The following TDP1 variants were observed in gnomAD, a reference collection of about 807,000 sequenced individuals.
TDP1 encodes the protein tyrosyl-DNA phosphodiesterase 1, also known as tyr-DNA phosphodiesterase 1.
In TDP1, 64 loss-of-function variants were observed where a neutral mutation model predicts 81.5. The ratio of observed to expected loss-of-function variants is 0.79; its 90% CI spans 0.64 to 0.97. The LOEUF is 0.97. Ranked by LOEUF, TDP1 falls within the 50% of genes least tolerant of loss-of-function variation. The pLI, the probability that TDP1 is intolerant of heterozygous loss-of-function variation, is 0.00. For synonymous variants in TDP1, 256 were observed against 264.3 expected, an observed-to-expected ratio of 0.97 and a Z score of 0.30; for missense variants, 723 against 743.8, an observed-to-expected ratio of 0.97 and a Z score of 0.33.
chr14:90,042,212 G>T (rs985558412), intron 16 of TDP1, among the ~76,000 whole-genome samples: 1 of 152,150 alleles, frequency 6.6e-6, no homozygotes, highest in Non-Finnish European at 1.5e-5. Context: ...GTGACTGTGG[G>T]CCTCTTGGTT....
intron 16 of TDP1, among the ~76,000 whole-genome samples, chr14:90,038,997 CAG>C (rs1326919369): frequency 6.6e-6 from 1 of 151,512 alleles, no homozygotes; most frequent in Admixed American, 6.6e-5. Flanking sequence ...ATAGCACAAA[CAG>C]AAGGCTAAAA....
At chr14:90,026,508 C>T (rs1048716150) in intron 15 of TDP1, among the ~76,000 whole-genome samples, 16 of 152,144 alleles carry the variant, frequency 1.1e-4, no homozygotes, top group Admixed American at 1.0e-3. Context: ...ATGTGCACAA[C>T]GTGCAGGTTT....
At chr14:90,032,219 G>T (rs182038358) in intron 15 of TDP1, among the ~76,000 whole-genome samples, 1 of 152,120 alleles carries the variant, frequency 6.6e-6, no homozygotes, top group Non-Finnish European at 1.5e-5. Context: ...ACCTCCCCAT[G>T]TTCTTTGACA....
intron 7 of TDP1, among the ~76,000 whole-genome samples, chr14:89,976,966 C>T (rs1894412568): frequency 2.0e-5 from 3 of 151,872 alleles, no homozygotes; most frequent in Non-Finnish European, 4.4e-5. Context: ...CCAATCTGGC[C>T]AACATGGTGA....
At position 89,963,565 on chromosome 14, in the gene TDP1, G is replaced by A. The variant is rs1214998295; in HGVS notation, c.451G>A (p.Gly151Ser). The change falls in exon 3 of 17, where the codon GGC becomes AGC. Residue 151 changes from glycine (G) to serine (S), a missense_variant. Gly to Ser is a moderately conservative substitution (Grantham distance 56). Transcript: ENST00000335725. The part of the protein sequence containing the change: ...EEDEYETSGE[G>S]QDIWDMLDKG... ...AGACGAGTATGAGACATCAGGGGAG[G>A]GCCAGGACATTTGGGACATGCTGGA... 6.2e-7 allele frequency: 1 copy of A among 1,613,364 alleles called. No individual in the cohort carries two copies. The highest frequency in any genetic ancestry group is 8.5e-7 in the Non-Finnish European group (1 of 1,179,564).
At chr14:90,015,826 A>G (rs1885246093) in intron 14 of TDP1, among the ~76,000 whole-genome samples, 1 of 152,146 alleles carries the variant, frequency 6.6e-6, no homozygotes, top group South Asian at 2.1e-4. Context: ...GGATTTCAAC[A>G]TATGAATTCT....
intron 4 of TDP1, among the ~76,000 whole-genome samples, chr14:89,966,707 G>A (rs1300385035): frequency 6.6e-6 from 1 of 152,208 alleles, no homozygotes; most frequent in Non-Finnish European, 1.5e-5. Flanking sequence ...AAGAAAGGCA[G>A]GCTTCCTTTA....
chr14:90,021,116 C>T (rs34389161), intron 15 of TDP1, among the ~76,000 whole-genome samples: 3,860 of 152,132 alleles, frequency 0.025, 149 homozygotes, highest in African/African-American at 0.084. Context: ...TGGAGAGCAC[C>T]CACCTTCCCA....
At chr14:90,040,066 ACT>A (rs1440336655) in intron 16 of TDP1, among the ~76,000 whole-genome samples, 2 of 151,960 alleles carry the variant, frequency 1.3e-5, no homozygotes, top group East Asian at 1.9e-4. Flanking sequence ...TGGGACAGAG[ACT>A]CTGTATATAA....
Position 89,963,654 on chromosome 14 carries a change from T to C in TDP1, c.540T>C (p.Ser180=), listed in dbSNP as rs2139946207. 6.2e-7 allele frequency: 1 copy of C among 1,614,046 alleles called. No homozygotes were observed. The highest frequency in any genetic ancestry group is 8.5e-7 in the Non-Finnish European group (1 of 1,179,926). ...CTGGAGTTAAGCCAAAGTATAACTC[T>C]GGAGCCCTCCACATCAAGGGTAAGA... ...RVSGVKPKYN[S]GALHIKDILS... The change falls in exon 3 of 17, where the codon TCT becomes TCC. Residue 180 remains serine (S), a synonymous_variant. Transcript: ENST00000335725.
At chr14:89,988,863 A>G in intron 10 of TDP1, 42 bp from the exon 11 acceptor site, 2 of 1,613,416 alleles carry the variant, frequency 1.2e-6, no homozygotes, top group Non-Finnish European at 1.7e-6. Context: ...TTCTGTTAAG[A>G]TTATTTGAGT....
intron 14 of TDP1, among the ~76,000 whole-genome samples, chr14:90,008,251 A>G (rs752444977): frequency 6.6e-5 from 10 of 152,020 alleles, no homozygotes; most frequent in Non-Finnish European, 1.5e-4. Context: ...TTCTATCTTC[A>G]GTTTCTTACT....
rs780471860 is a variant in TDP1 at position 90,043,277 on chromosome 14, A to C, written c.*134A>C. The C allele has an allele frequency of 4.2e-5, 41 of 978,540 alleles. No individual in the cohort carries two copies. The highest frequency in any genetic ancestry group is 6.5e-5 in the Non-Finnish European group (41 of 627,732). The allele number at this position is 978,540 out of a possible 1,614,324, so 60.6% of individuals were successfully genotyped here. On this transcript the variant is annotated 3_prime_UTR_variant, in exon 17 of 17. Transcript: ENST00000335725. ...CAAAATCTTTCCAAAGGTCACTCTT[A>C]TGAATGGATGTTGGTTATACTTTTA...
chr14:89,992,160 G>T (rs536437628), intron 13 of TDP1, among the ~76,000 whole-genome samples, 177 bp downstream of exon 13: 2 of 151,926 alleles, frequency 1.3e-5, no homozygotes, highest in South Asian at 4.1e-4. Flanking sequence ...TTTTGGAATA[G>T]GTTTTTAATA....
intron 14 of TDP1, among the ~76,000 whole-genome samples, chr14:90,008,470 G>A (rs925365828): frequency 3.9e-5 from 6 of 152,070 alleles, no homozygotes; most frequent in African/African-American, 1.2e-4. Flanking sequence ...GCCTGAGTTC[G>A]AATTCTTACT....
chr14:89,998,458 A>G (rs1446128396), intron 14 of TDP1, among the ~76,000 whole-genome samples: 2 of 140,808 alleles, frequency 1.4e-5, no homozygotes, highest in East Asian at 4.0e-4. Context: ...ATATGTATAT[A>G]TATGTATATA....
chr14:89,966,046 T>C (rs1391921286), intron 3 of TDP1, 101 bp from the exon 4 acceptor site: 3 of 1,007,136 alleles, frequency 3.0e-6, no homozygotes, highest in African/African-American at 3.2e-5. Flanking sequence ...GTGTTCTGAG[T>C]CAGATCTTGA....
At chr14:90,018,030 C>T (rs2140255012) in intron 14 of TDP1, among the ~76,000 whole-genome samples, 1 of 152,044 alleles carries the variant, frequency 6.6e-6, no homozygotes, top group Non-Finnish European at 1.5e-5. Context: ...GCTCTGATTT[C>T]CACATTCTTC....
chr14:89,989,178 T>G lies in TDP1; in HGVS notation c.1317+88T>G, dbSNP rs1215856415. On this transcript the variant is annotated intron_variant, in intron 11 of 16. Transcript: ENST00000335725. ...ATTGGTCCTCTTTGTAATGGAGAGA[T>G]GTTTTATTCTGTGATTCTTTTTTTT... 2.1e-6 allele frequency: 3 copies of G among 1,415,658 alleles called. No homozygotes were observed. In the Admixed American group the frequency reaches 6.0e-5, roughly 28 times the overall value. The allele number at this position is 1,415,658 out of a possible 1,614,324, so 87.7% of individuals were successfully genotyped here.
Sources: allele counts gnomAD v4.1 joint callset (sites outside exome capture counted in the v4.1 genomes callset), GRCh38; gene constraint gnomAD v4.1.1; transcripts MANE v1.5; gene names NCBI Gene and HGNC (gene_info 2026-07-23, HGNC 2026-07-21).